The following NOX4 variants were observed in gnomAD, a reference collection of about 807,000 sequenced individuals.
NOX4 encodes the protein kidney oxidase-1.
Under a neutral mutation model 87.6 loss-of-function variants are expected in NOX4, and 69 were observed. That is an observed-to-expected ratio of 0.79 (90% CI 0.65 to 0.96). The LOEUF (loss-of-function observed/expected upper bound fraction) is 0.96, where lower values mean the gene tolerates loss of function less well. Ranked by LOEUF, NOX4 falls within the 40% of genes least tolerant of loss-of-function variation. NOX4 has a pLI of 0.00. For synonymous variants in NOX4, 275 were observed against 238.2 expected, an observed-to-expected ratio of 1.15 and a Z score of -1.42; for missense variants, 680 against 681.5, an observed-to-expected ratio of 1.00 and a Z score of 0.02.
the NOX4 span, among the ~76,000 whole-genome samples, chr11:89,511,235 AT>A: frequency 3.3e-5 from 5 of 151,822 alleles, no homozygotes; most frequent in East Asian, 1.9e-4. Context: ...TGAACTCATC[AT>A]TTTTTTTGGT....
intron 7 of NOX4, among the ~76,000 whole-genome samples, chr11:89,427,756 A>C (rs1943521784): frequency 6.6e-6 from 1 of 152,204 alleles, no homozygotes; most frequent in South Asian, 2.1e-4. Context: ...GCGTACCTGA[A>C]AGTGACGGCG....
intron 17 of NOX4, among the ~76,000 whole-genome samples, chr11:89,333,877 G>A (rs1387977430): frequency 6.6e-6 from 1 of 151,710 alleles, no homozygotes; most frequent in East Asian, 1.9e-4. Flanking sequence ...TCAAAGTGTT[G>A]TACAAAATGT....
At chr11:89,456,943 T>A (rs1945229738) in intron 2 of NOX4, among the ~76,000 whole-genome samples, 2 of 152,140 alleles carry the variant, frequency 1.3e-5, no homozygotes, top group Admixed American at 6.5e-5. Flanking sequence ...AAATTGCACA[T>A]CCTCTGTCTG....
At chr11:89,551,550 T>C in the NOX4 span, among the ~76,000 whole-genome samples, 1 of 152,198 alleles carries the variant, frequency 6.6e-6, no homozygotes, top group African/African-American at 2.4e-5. Context: ...AGGTATTTTG[T>C]TCTCTTTGTA....
At chr11:89,398,539 C>T (rs1048522917) in intron 11 of NOX4, among the ~76,000 whole-genome samples, 9 of 151,648 alleles carry the variant, frequency 5.9e-5, no homozygotes, top group African/African-American at 9.7e-5. Context: ...TAAAGACAAA[C>T]TTACTTGTGT....
chr11:89,564,000 T>C, the NOX4 span, among the ~76,000 whole-genome samples: 1 of 152,188 alleles, frequency 6.6e-6, no homozygotes, highest in Non-Finnish European at 1.5e-5. Flanking sequence ...AGGGGTTTAC[T>C]GAACAGTAGC....
chr11:89,395,513 T>A (rs1281325121), intron 11 of NOX4, among the ~76,000 whole-genome samples: 3 of 152,210 alleles, frequency 2.0e-5, no homozygotes, highest in African/African-American at 7.2e-5. Context: ...TTTAATTAGA[T>A]CCCATTTGCC....
intron 11 of NOX4, among the ~76,000 whole-genome samples, chr11:89,397,230 A>G (rs569082010): frequency 2.0e-5 from 3 of 152,340 alleles, no homozygotes; most frequent in East Asian, 3.9e-4. Context: ...TGGGTAAATA[A>G]TGAAATGAAG....
At chr11:89,396,742 A>T (rs1941520805) in intron 11 of NOX4, among the ~76,000 whole-genome samples, 1 of 152,178 alleles carries the variant, frequency 6.6e-6, no homozygotes. Context: ...ATAATGGTAA[A>T]GGGATCAATT....
At chr11:89,473,474 A>AT (rs1491053473) in intron 2 of NOX4, among the ~76,000 whole-genome samples, 1 of 152,064 alleles carries the variant, frequency 6.6e-6, no homozygotes, top group Non-Finnish European at 1.5e-5. Context: ...CAAAAAAAAA[A>AT]ATGAGAGAAA....
chr11:89,545,506 T>C, the NOX4 span: 1 of 152,154 alleles, frequency 6.6e-6, no homozygotes, highest in Admixed American at 6.6e-5. Flanking sequence ...TTTTCAGTGG[T>C]TTTACAAATA....
chr11:89,499,741 C>G (rs183654697), upstream of NOX4, among the ~76,000 whole-genome samples: 5 of 152,242 alleles, frequency 3.3e-5, no homozygotes, highest in East Asian at 9.6e-4. Context: ...TCTGTCTTCC[C>G]CATGGGAATC....
intron 11 of NOX4, among the ~76,000 whole-genome samples, chr11:89,387,619 T>C (rs1425261172): frequency 6.6e-6 from 1 of 152,178 alleles, no homozygotes; most frequent in Non-Finnish European, 1.5e-5. Context: ...TAAACATCGA[T>C]TCATTACTTC....
In NOX4 at chr11:89,400,317, G is replaced by A; in HGVS notation, c.909C>T (p.Ile303=). Residue 303 remains isoleucine, a synonymous_variant, in exon 10 of 18, where the codon ATC becomes ATT. Transcript: ENST00000263317. ...LYCAERLYRY[I]RSNKPVTIIS... is the part of the protein sequence containing the mutation. ...TGATGGTGACTGGCTTATTGCTCCG[G>A]ATATACCTGTAAAGTCTTTCGGCAC... 6.2e-7 allele frequency: 1 copy of A among 1,612,774 alleles called. No homozygotes were observed. The highest frequency in any genetic ancestry group is 8.5e-7 in the Non-Finnish European group (1 of 1,179,248).
At chr11:89,463,124 C>CG (rs1370544439) in intron 2 of NOX4, among the ~76,000 whole-genome samples, 1 of 151,660 alleles carries the variant, frequency 6.6e-6, no homozygotes, top group Non-Finnish European at 1.5e-5. Flanking sequence ...AGATTCTGTC[C>CG]ATTTAATAAA....
rs751456103 is a variant in NOX4, at chr11:89,342,107, A to G, written c.1304T>C (p.Val435Ala). 2 of 1,613,368 alleles carry G rather than the reference A, an allele frequency of 1.2e-6. No individual in the cohort carries two copies. The highest frequency in any genetic ancestry group is 3.3e-5 in the Admixed American group (2 of 60,004). ...VSLCVAGGIG[V>A]TPFASILNTL... ...GTTGAGTATTGATGCAAATGGAGTT[A>G]CTCCAATGCCTCCAGCCACGCAGAG... is the stretch of plus-strand genomic sequence containing the variant. Residue 435 changes from valine to alanine, a missense_variant, in exon 14 of 18, where the codon GTA becomes GCA. Val to Ala is a moderately conservative substitution (Grantham distance 64). Transcript: ENST00000263317.
intron 7 of NOX4, among the ~76,000 whole-genome samples, chr11:89,422,745 GT>G (rs1256773383): frequency 2.6e-5 from 4 of 151,212 alleles, no homozygotes; most frequent in East Asian, 3.9e-4. Flanking sequence ...ATAGTATTTG[GT>G]ATCATAAACA....
Position 89,342,083 on chromosome 11 carries a change from T to C in NOX4, c.1328A>G (p.Asn443Ser), listed in dbSNP as rs969447848. The C allele has an allele frequency of 3.1e-6, 5 of 1,612,460 alleles. No individual in the cohort carries two copies. The highest frequency in any genetic ancestry group is 4.2e-6 in the Non-Finnish European group (5 of 1,178,940). ...GATCAAAATGACATACAACAGGGTG[T>C]TGAGTATTGATGCAAATGGAGTTAC... ...IGVTPFASIL[N>S]TLLDDWKPYK... is the part of the protein sequence containing the mutation. Residue 443 changes from asparagine to serine, a missense_variant, in exon 14 of 18, where the codon AAC becomes AGC. Physicochemically the swap from Asn to Ser is conservative, Grantham distance 46. Transcript: ENST00000263317.
At chr11:89,507,649 G>A in the NOX4 span, among the ~76,000 whole-genome samples, 2 of 151,668 alleles carry the variant, frequency 1.3e-5, no homozygotes, top group Non-Finnish European at 2.9e-5. Context: ...AAACGAATGT[G>A]GTTATTCCAC....
Sources: gnomAD v4.1 joint callset for allele counts (sites outside exome capture counted in the v4.1 genomes callset) on GRCh38, gnomAD v4.1.1 for gene constraint, MANE v1.5 for transcripts, NCBI Gene and HGNC (gene_info 2026-07-23, HGNC 2026-07-21) for gene names.